FTO: variants seen among roughly 807,000 people sequenced by gnomAD.
FTO encodes FTO alpha-ketoglutarate dependent dioxygenase, also known as alpha-ketoglutarate-dependent dioxygenase FTO.
In FTO, 47 loss-of-function variants were observed where a neutral mutation model predicts 63.9. The ratio of observed to expected loss-of-function variants is 0.74; its 90% CI spans 0.58 to 0.94. FTO has a LOEUF of 0.94. Among genes scored for constraint, FTO ranks in the 40% least tolerant of loss-of-function variants. The probability of loss-of-function intolerance (pLI) is 0.00; values close to 1 mark genes in which losing one functional copy is unlikely to be tolerated. For missense variants in FTO, 562 were observed against 618.1 expected, an observed-to-expected ratio of 0.91 and a Z score of 0.96; for synonymous variants, 207 against 224.4, an observed-to-expected ratio of 0.92 and a Z score of 0.69.
At chr16:53,932,758 G>A (rs998637535) in intron 7 of FTO, among the ~76,000 whole-genome samples, 1 of 152,170 alleles carries the variant, frequency 6.6e-6, no homozygotes, top group Non-Finnish European at 1.5e-5. Flanking sequence ...CAAAGGAAAA[G>A]CGAATGATCT....
chr16:54,105,245 A>G (rs1237006327), intron 8 of FTO, among the ~76,000 whole-genome samples: 4 of 152,248 alleles, frequency 2.6e-5, no homozygotes, highest in African/African-American at 9.6e-5. Context: ...GAATGAAAAG[A>G]AGAAAACTAG....
chr16:53,812,501 A>C (rs1467765551), intron 2 of FTO, among the ~76,000 whole-genome samples: 2 of 152,182 alleles, frequency 1.3e-5, no homozygotes, highest in Non-Finnish European at 2.9e-5. Context: ...GGCATGAGCC[A>C]TCACATCTGG....
intron 8 of FTO, among the ~76,000 whole-genome samples, chr16:53,951,000 A>C (rs1372127000): frequency 6.6e-6 from 1 of 152,256 alleles, no homozygotes; most frequent in East Asian, 1.9e-4. Context: ...TAACGAAGCT[A>C]ATGATGCTAG....
intron 8 of FTO, among the ~76,000 whole-genome samples, chr16:53,966,169 A>T (rs1379241701): frequency 4.6e-5 from 7 of 152,184 alleles, no homozygotes; most frequent in African/African-American, 1.7e-4. Context: ...TGGCAGCTGT[A>T]ATTTTGAAAC....
At chr16:53,816,130 A>AG (rs2078681481) in intron 2 of FTO, among the ~76,000 whole-genome samples, 1 of 151,932 alleles carries the variant, frequency 6.6e-6, no homozygotes, top group African/African-American at 2.4e-5. Flanking sequence ...CTGTCTGGTG[A>AG]GCATCTACTC....
intron 1 of FTO, among the ~76,000 whole-genome samples, chr16:53,804,428 G>T (rs1249403358): frequency 1.3e-5 from 2 of 152,158 alleles, no homozygotes; most frequent in Non-Finnish European, 2.9e-5. Context: ...GGAAGTGAAA[G>T]AGTCTCCATT....
Position 53,897,514 on chromosome 16 carries a change from A to C in FTO, c.1239+8563A>C, listed in dbSNP as rs1426131860. Among the ~76,000 whole-genome samples the C allele has an allele frequency of 2.6e-5, 4 of 152,196 alleles. No individual in the cohort carries two copies. In the East Asian group the frequency reaches 7.7e-4, roughly 29 times the overall value. Reference sequence around the variant, plus strand: ...TATAGCCCTCTTATTAAATATTATTAATTGAAATGACAAATTATGAAATAT... The same window carrying C: ...TATAGCCCTCTTATTAAATATTATTCATTGAAATGACAAATTATGAAATAT... On this transcript the variant is annotated intron_variant, in intron 7 of 8. Transcript: ENST00000471389.
chr16:53,967,284 G>A (rs2083217797), intron 8 of FTO, among the ~76,000 whole-genome samples: 1 of 151,874 alleles, frequency 6.6e-6, no homozygotes. Flanking sequence ...AGTCTGTTTA[G>A]CAGACCATAT....
intron 3 of FTO, among the ~76,000 whole-genome samples, chr16:53,831,783 G>A (rs919920075): frequency 6.6e-6 from 1 of 152,186 alleles, no homozygotes; most frequent in Non-Finnish European, 1.5e-5. Flanking sequence ...TTTGAAGCGG[G>A]AGCACATAGG....
At chr16:53,811,133 G>C (rs190512972) in intron 2 of FTO, among the ~76,000 whole-genome samples, 2 of 152,322 alleles carry the variant, frequency 1.3e-5, no homozygotes, top group Admixed American at 6.5e-5. Flanking sequence ...GTTGGAGTGA[G>C]AGTACTCCCA....
intron 4 of FTO, among the ~76,000 whole-genome samples, chr16:53,847,783 C>T (rs1310806139): frequency 3.3e-5 from 5 of 149,816 alleles, no homozygotes; most frequent in Admixed American, 6.7e-5. Flanking sequence ...AAAAAAAAAG[C>T]GCTGTATTTT....
chr16:53,943,223 G>A (rs1321131327), intron 8 of FTO, among the ~76,000 whole-genome samples: 2 of 152,198 alleles, frequency 1.3e-5, no homozygotes, highest in African/African-American at 2.4e-5. Context: ...CTAGAGATAG[G>A]GTTACTTTTT....
intron 8 of FTO, among the ~76,000 whole-genome samples, chr16:54,099,947 G>A (rs78649426): frequency 0.01 from 1,531 of 152,224 alleles, 27 homozygotes; most frequent in East Asian, 0.079. Flanking sequence ...CCAAAGACAC[G>A]TATGTCTCCC....
chr16:54,077,535 T>C (rs939430087), intron 8 of FTO, among the ~76,000 whole-genome samples: 14 of 152,136 alleles, frequency 9.2e-5, no homozygotes, highest in Non-Finnish European at 1.5e-5. Context: ...ACCAAGCTAC[T>C]AACATCAAAA....
intron 7 of FTO, among the ~76,000 whole-genome samples, chr16:53,923,572 T>C (rs1464259205): frequency 6.6e-6 from 1 of 152,180 alleles, no homozygotes; most frequent in African/African-American, 2.4e-5. Flanking sequence ...GTTGCAGGCG[T>C]AAAATAGCAG....
chr16:53,772,132 T>C (rs1267175515), intron 1 of FTO, among the ~76,000 whole-genome samples: 1 of 152,110 alleles, frequency 6.6e-6, no homozygotes, highest in Non-Finnish European at 1.5e-5. Flanking sequence ...ATAAAGCTGC[T>C]ATTACAACAA....
chr16:53,881,874 C>G (rs2080846974), intron 6 of FTO, among the ~76,000 whole-genome samples: 1 of 152,090 alleles, frequency 6.6e-6, no homozygotes, highest in Non-Finnish European at 1.5e-5. Flanking sequence ...AAAAATAGAT[C>G]CAATGAAAAC....
intron 6 of FTO, among the ~76,000 whole-genome samples, chr16:53,884,895 A>G (rs760552566): frequency 3.3e-5 from 5 of 152,150 alleles, no homozygotes; most frequent in Non-Finnish European, 7.3e-5. Context: ...CCTGCTATTG[A>G]GGTCTTCAGG....
At chr16:53,919,233 T>C (rs7193851) in intron 7 of FTO, among the ~76,000 whole-genome samples, 28,327 of 152,118 alleles carry the variant, frequency 0.19, 3,113 homozygotes, top group African/African-American at 0.31. Context: ...TAACATAGTA[T>C]ATGTGAGCAG....
Sources: gnomAD v4.1 joint callset for allele counts (sites outside exome capture counted in the v4.1 genomes callset) on GRCh38, gnomAD v4.1.1 for gene constraint, MANE v1.5 for transcripts, NCBI Gene and HGNC (gene_info 2026-07-23, HGNC 2026-07-21) for gene names.